The following EYS variants were observed in gnomAD, a reference collection of about 807,000 sequenced individuals.
EYS encodes the protein protein eyes shut homolog.
EYS carries 250 observed loss-of-function variants against 282.1 expected under a neutral mutation model. That is an observed-to-expected ratio of 0.89 (90% CI 0.80 to 0.98). EYS has a LOEUF of 0.98. EYS is among the 50% of genes least tolerant of loss of function. The pLI is 0.00. For synonymous variants in EYS, 1,355 were observed against 1,282.9 expected (o/e 1.06, Z -1.20); for missense variants, 4,016 against 3,709.0 (o/e 1.08, Z -2.15).
chr6:65,278,031 C>CTTTTCTTTTCTTTTCTTTTCTTTTCTTTT (rs373352241), intron 12 of EYS, among the ~76,000 whole-genome samples: 7 of 107,510 alleles, frequency 6.5e-5, no homozygotes, highest in East Asian at 2.7e-4. Flanking sequence ...CTTTTCTTTT[C>CTTTTCTTTTCTTTTCTTTTCTTTTCTTTT]CTTTTCTTTT....
chr6:65,213,582 G>A (rs1297044462), intron 12 of EYS, among the ~76,000 whole-genome samples: 1 of 151,942 alleles, frequency 6.6e-6, no homozygotes, highest in East Asian at 1.9e-4. Context: ...TGTGTTCAGC[G>A]ATCTCTTATG....
intron 16 of EYS, 105 bp downstream of exon 16, chr6:64,912,379 G>T: frequency 1.0e-6 from 1 of 983,416 alleles, no homozygotes; most frequent in Non-Finnish European, 1.5e-6. Flanking sequence ...ATGTACATAG[G>T]ATTTTTCCAA....
chr6:64,948,170 G>A (rs1769355377), intron 14 of EYS, among the ~76,000 whole-genome samples: 1 of 151,122 alleles, frequency 6.6e-6, no homozygotes, highest in Admixed American at 6.6e-5. Flanking sequence ...AACATAAAAG[G>A]ATGAAGAAAA....
intron 28 of EYS, among the ~76,000 whole-genome samples, chr6:64,415,345 T>C (rs1774026786): frequency 6.6e-6 from 1 of 152,198 alleles, no homozygotes; most frequent in South Asian, 2.1e-4. Context: ...GGCACCCCTG[T>C]ATTTTCAATT....
chr6:64,719,483 G>A (rs1415447940), intron 22 of EYS, among the ~76,000 whole-genome samples: 1 of 152,114 alleles, frequency 6.6e-6, no homozygotes, highest in Non-Finnish European at 1.5e-5. Flanking sequence ...AAGTTAACAA[G>A]TCAGTCATCA....
In EYS at chr6:64,640,382, T is replaced by C. The variant is rs551250853; in HGVS notation, c.3444-14137A>G. Among the ~76,000 whole-genome samples, 35 of 152,296 alleles carry C rather than the reference T, an allele frequency of 2.3e-4. No individual in the cohort carries two copies. In the South Asian group the frequency reaches 7.3e-3, roughly 32 times the overall value. On this transcript the variant is annotated intron_variant, in intron 22 of 42. Coordinates refer to ENST00000503581, the MANE Select transcript of EYS (RefSeq NM_001142800.2). ...GGCACATATACACCATGGAATACTA[T>C]ATACAGCCATAAAAATGATGAGTTC...
At chr6:64,584,326 G>A (rs1766164844) in intron 26 of EYS, among the ~76,000 whole-genome samples, 1 of 151,784 alleles carries the variant, frequency 6.6e-6, no homozygotes, top group African/African-American at 2.4e-5. Flanking sequence ...CCTATAGGAA[G>A]AGAGAAACAA....
intron 2 of EYS, among the ~76,000 whole-genome samples, chr6:65,566,358 C>T (rs1385868199): frequency 1.3e-5 from 2 of 151,494 alleles, no homozygotes; most frequent in African/African-American, 4.9e-5. Context: ...GCCAACAGCT[C>T]ACACAAGGGG....
chr6:65,500,919 T>C (rs9360133), intron 2 of EYS, among the ~76,000 whole-genome samples: 28,300 of 151,672 alleles, frequency 0.19, 3,275 homozygotes, highest in Middle Eastern at 0.3. Flanking sequence ...CGCTTGGGGG[T>C]GGGGGAAAGT....
intron 18 of EYS, among the ~76,000 whole-genome samples, chr6:64,888,548 G>A (rs1372067996): frequency 2.0e-5 from 3 of 151,954 alleles, no homozygotes; most frequent in Non-Finnish European, 4.4e-5. Context: ...AATGTCATGT[G>A]CAATGGGATA....
At chr6:65,494,582 G>A in intron 4 of EYS, 81 bp downstream of exon 4, 1 of 1,315,522 alleles carries the variant, frequency 7.6e-7, no homozygotes, top group Non-Finnish European at 1.1e-6. Flanking sequence ...CATTTAAAAT[G>A]TACTTTGATT....
chr6:64,926,401 A>G (rs1768518244), intron 15 of EYS, among the ~76,000 whole-genome samples: 3 of 152,286 alleles, frequency 2.0e-5, no homozygotes, highest in African/African-American at 7.2e-5. Context: ...ATTGATGCCC[A>G]GTTCTAGGAG....
intron 26 of EYS, among the ~76,000 whole-genome samples, chr6:64,542,554 T>A (rs1012427507): frequency 6.6e-6 from 1 of 152,070 alleles, no homozygotes; most frequent in Admixed American, 6.6e-5. Context: ...ACTTATTTGG[T>A]CTACAGTGAT....
chr6:64,096,104 T>A lies in EYS; in HGVS notation c.6425-14102A>T, dbSNP rs558332923. On this transcript the variant is annotated intron_variant, in intron 31 of 42. Transcript: ENST00000503581. Reference sequence around the variant, plus strand: ...CCCCACTCTCTTCTGGCTTGTAGAGTTTCTGCCGAGAGATCAGCTGTTAGT... The same window carrying A: ...CCCCACTCTCTTCTGGCTTGTAGAGATTCTGCCGAGAGATCAGCTGTTAGT... Among the ~76,000 whole-genome samples the A allele has an allele frequency of 2.6e-5, 4 of 152,320 alleles. No homozygotes were observed. In the South Asian group the frequency reaches 8.3e-4, roughly 32 times the overall value.
chr6:64,670,659 G>C lies in EYS; in HGVS notation c.3444-44414C>G, dbSNP rs775541484. On this transcript the variant is annotated intron_variant, in intron 22 of 42. Coordinates refer to ENST00000503581, the MANE Select transcript of EYS (RefSeq NM_001142800.2). ...GAAGCAGGAAAATGCAATCTTGCTT[G>C]TTTTAGGAACTACCCTTCGTCTGCT... 1.3e-4 allele frequency among the ~76,000 whole-genome samples: 20 copies of C among 152,140 alleles called. No homozygotes were observed. In the East Asian group the frequency reaches 3.9e-3, roughly 29 times the overall value.
rs148982631 is a variant in EYS, at chr6:65,626,379, G to A, written c.-333+13399C>T. Among the ~76,000 whole-genome samples the A allele has an allele frequency of 2.2e-3, 333 of 152,206 alleles. 3 individuals carry two copies. Among genetic ancestry groups the A allele is most frequent in the African/African-American group, 7.5e-3 (311 of 41,540 alleles). On this transcript the variant is annotated intron_variant, in intron 2 of 42. Transcript: ENST00000503581. ...AGATCATAGTCTTTGTTTTCTTGTT[G>A]TTGTTGTTATCTTCTATATGCATTT...
chr6:64,707,273 T>C (rs1289148384), intron 22 of EYS, among the ~76,000 whole-genome samples: 1 of 152,104 alleles, frequency 6.6e-6, no homozygotes, highest in Non-Finnish European at 1.5e-5. Flanking sequence ...ATCTTTTCAC[T>C]CATAAGTGGG....
intron 14 of EYS, among the ~76,000 whole-genome samples, chr6:64,950,702 C>G (rs558374015): frequency 1.4e-5 from 2 of 147,638 alleles, no homozygotes; most frequent in South Asian, 4.2e-4. Flanking sequence ...TTAACAACAA[C>G]TACCTACAAA....
chr6:65,669,398 A>T (rs1479449065), intron 1 of EYS, among the ~76,000 whole-genome samples: 1 of 151,992 alleles, frequency 6.6e-6, no homozygotes, highest in Non-Finnish European at 1.5e-5. Context: ...TACAGTAGGG[A>T]TTATAAAAGA....
Sources: gnomAD v4.1 joint callset for allele counts (sites outside exome capture counted in the v4.1 genomes callset) on GRCh38, gnomAD v4.1.1 for gene constraint, MANE v1.5 for transcripts, NCBI Gene and HGNC (gene_info 2026-07-23, HGNC 2026-07-21) for gene names.